Variants in STX18 observed in about 807,000 individuals in gnomAD.
STX18 encodes syntaxin 18, also known as syntaxin-18.
A neutral mutation model predicts 50.1 loss-of-function variants in STX18; 40 were observed. The ratio of observed to expected loss-of-function variants is 0.80; its 90% CI spans 0.62 to 1.04. The LOEUF (loss-of-function observed/expected upper bound fraction) is 1.04, where lower values mean the gene tolerates loss of function less well. Ranked by LOEUF, STX18 falls within the 50% of genes least tolerant of loss-of-function variation. The pLI, the probability that STX18 is intolerant of heterozygous loss-of-function variation, is 0.00. For missense variants in STX18, 410 were observed against 415.8 expected, an observed-to-expected ratio of 0.99 and a Z score of 0.12; for synonymous variants, 158 against 151.8, an observed-to-expected ratio of 1.04 and a Z score of -0.30.
intron 1 of STX18, among the ~76,000 whole-genome samples, chr4:4,501,572 T>C (rs1729463234): frequency 1.3e-5 from 2 of 152,190 alleles, no homozygotes; most frequent in Admixed American, 1.3e-4. Context: ...TCTCAGACTG[T>C]TTTGCGTTCT....
chr4:4,443,209 T>C (rs1221741544), intron 5 of STX18, among the ~76,000 whole-genome samples: 1 of 152,238 alleles, frequency 6.6e-6, no homozygotes, highest in Non-Finnish European at 1.5e-5. Context: ...TATGAAAAAG[T>C]TATTAATTAT....
At position 4,420,036 on chromosome 4, in the gene STX18, A is replaced by C; in HGVS notation, c.1006T>G (p.Ter336GluextTer30). Residue 336 changes from the stop codon to glutamate (E), a stop_lost, in exon 11 of 11, where the codon TAG becomes GAG. Transcript: ENST00000306200. This position sits in a 1 kb window ranked among gnomAD's most constrained non-coding sequence, Gnocchi z 4.3. ...GTGCTGGGCCCCCGTGGCCCTGGCT[A>C]GCTGTCGTACCAGTCGAGGAAGAGC... ...SLLFLDWYDS* is the reference protein window; with the variant it reads ...SLLFLDWYDSE 1 of 1,610,978 alleles carries C rather than the reference A, an allele frequency of 6.2e-7. No homozygotes were observed. The highest frequency in any genetic ancestry group is 8.5e-7 in the Non-Finnish European group (1 of 1,178,560).
At chr4:4,499,323 A>C (rs1729329146) in intron 1 of STX18, 1 of 182,190 alleles carries the variant, frequency 5.5e-6, no homozygotes, top group African/African-American at 2.4e-5. Context: ...GGTAGTATAA[A>C]ATGTATGAAA....
intron 7 of STX18, among the ~76,000 whole-genome samples, chr4:4,429,954 TC>T (rs1363881258): frequency 6.6e-6 from 1 of 152,168 alleles, no homozygotes. Context: ...AAGGAGTACA[TC>T]AATAAATGCA....
At position 4,505,754 on chromosome 4, in the gene STX18, C is replaced by T. The variant is rs143504968; in HGVS notation, c.169-34048G>A. The stretch of plus-strand genomic sequence containing the variant: ...CAGTGATCTGACATCAAGCACTGCA[C>T]TCCAGCCTGGGTGACAGAGACTCTG... On this transcript the variant is annotated intron_variant, in intron 1 of 10. Transcript: ENST00000306200. Among the ~76,000 whole-genome samples, 16 of 152,330 alleles carry T rather than the reference C, an allele frequency of 1.1e-4. No individual in the cohort carries two copies. The East Asian group carries it at 2.9e-3, about 28-fold the overall frequency.
chr4:4,425,365 C>G (rs975386125), intron 7 of STX18, 143 bp from the exon 8 acceptor site: 3 of 716,084 alleles, frequency 4.2e-6, no homozygotes, highest in Non-Finnish European at 7.5e-6. Context: ...GCTGGACGAC[C>G]GTTAGCATTA....
At chr4:4,443,936 G>GA (rs1479073435) in intron 5 of STX18, among the ~76,000 whole-genome samples, 3 of 152,206 alleles carry the variant, frequency 2.0e-5, no homozygotes, top group African/African-American at 7.2e-5. Flanking sequence ...ACATTCCAAG[G>GA]AAAAAACTGG....
intron 1 of STX18, among the ~76,000 whole-genome samples, chr4:4,485,972 G>T (rs977529250): frequency 6.6e-6 from 1 of 152,148 alleles, no homozygotes; most frequent in Non-Finnish European, 1.5e-5. Flanking sequence ...TGCTCTCTTA[G>T]AAGTACGAGT....
chr4:4,451,139 A>G (rs1202552336), intron 5 of STX18, among the ~76,000 whole-genome samples: 1 of 152,254 alleles, frequency 6.6e-6, no homozygotes, highest in Non-Finnish European at 1.5e-5. Context: ...TGATTTATTT[A>G]AACTGATTTC....
chr4:4,537,115 T>C lies in STX18; in HGVS notation c.168+4682A>G, dbSNP rs151054201. On this transcript the variant is annotated intron_variant, in intron 1 of 10. Transcript: ENST00000306200. ...ACGGGTTTCTTGCTTACCTGTGTGGTAGCCCCCCCTGGCTCCTGTAACCTT... is the reference window on the plus strand; with the variant it reads ...ACGGGTTTCTTGCTTACCTGTGTGGCAGCCCCCCCTGGCTCCTGTAACCTT... Among the ~76,000 whole-genome samples, 969 of 152,292 alleles carry C rather than the reference T, an allele frequency of 6.4e-3. 13 individuals are homozygous for C. Among genetic ancestry groups the C allele is most frequent in the African/African-American group, 0.022 (929 of 41,566 alleles).
intron 1 of STX18, among the ~76,000 whole-genome samples, chr4:4,491,679 C>T (rs11728689): frequency 0.01 from 1,568 of 152,102 alleles, 16 homozygotes; most frequent in Non-Finnish European, 0.017. Flanking sequence ...AACAGTCTAA[C>T]GGTTGTCTTG....
chr4:4,427,258 A>G (rs1471598584), intron 7 of STX18, among the ~76,000 whole-genome samples: 1 of 152,200 alleles, frequency 6.6e-6, no homozygotes, highest in Non-Finnish European at 1.5e-5. Context: ...AGCTCTGGGA[A>G]GGGCGGAAGT....
chr4:4,445,120 G>A (rs7672019), intron 5 of STX18, among the ~76,000 whole-genome samples: 47,195 of 152,062 alleles, frequency 0.31, 9,257 homozygotes, highest in African/African-American at 0.56. Flanking sequence ...ACAATAAAAA[G>A]GTCACGTGCA....
At chr4:4,540,709 T>C (rs1043093395) in intron 1 of STX18, among the ~76,000 whole-genome samples, 4 of 152,222 alleles carry the variant, frequency 2.6e-5, no homozygotes, top group Admixed American at 6.5e-5. Flanking sequence ...AGGTGCTTCA[T>C]AGACGGTCAT....
chr4:4,452,098 A>C (rs1577335054), intron 5 of STX18, among the ~76,000 whole-genome samples: 1 of 152,376 alleles, frequency 6.6e-6, no homozygotes, highest in East Asian at 1.9e-4. Context: ...AGATCAAATC[A>C]GTCACAACAT....
At chr4:4,435,807 T>C (rs975613959) in intron 6 of STX18, among the ~76,000 whole-genome samples, 24 of 152,208 alleles carry the variant, frequency 1.6e-4, no homozygotes, top group Non-Finnish European at 2.8e-4. Flanking sequence ...GGAAAGGTGA[T>C]GCATCCTCCA....
intron 2 of STX18, among the ~76,000 whole-genome samples, chr4:4,461,412 T>C (rs1727372289): frequency 6.6e-6 from 1 of 152,222 alleles, no homozygotes; most frequent in Admixed American, 6.5e-5. Context: ...GGTTACATGC[T>C]GTTCTGCTCT....
intron 1 of STX18, among the ~76,000 whole-genome samples, chr4:4,535,207 G>C (rs777710201): frequency 2.6e-5 from 4 of 152,166 alleles, no homozygotes; most frequent in Admixed American, 6.5e-5. Context: ...TCAAAGAACA[G>C]GTTAATATGC....
chr4:4,500,760 G>A (rs1163553315), intron 1 of STX18, among the ~76,000 whole-genome samples: 1 of 152,156 alleles, frequency 6.6e-6, no homozygotes, highest in East Asian at 1.9e-4. Flanking sequence ...ATTTGGCCAG[G>A]CACGGTGGCT....
Sources: gnomAD v4.1 joint callset for allele counts (sites outside exome capture counted in the v4.1 genomes callset) on GRCh38, gnomAD v4.1.1 for gene constraint, Gnocchi (gnomAD v3.1) non-coding constraint, MANE v1.5 for transcripts, NCBI Gene and HGNC (gene_info 2026-07-23, HGNC 2026-07-21) for gene names.